UBLCP1: variants seen among roughly 807,000 people sequenced by gnomAD.
UBLCP1 encodes ubiquitin like domain containing CTD phosphatase 1.
In UBLCP1, 28 loss-of-function variants were observed where a neutral mutation model predicts 42.4. The ratio of observed to expected loss-of-function variants is 0.66; its 90% CI spans 0.49 to 0.90. The LOEUF (loss-of-function observed/expected upper bound fraction) is 0.90. UBLCP1 is among the 40% of genes least tolerant of loss of function. UBLCP1 has a pLI of 0.00. For missense variants in UBLCP1, 279 were observed against 374.5 expected (o/e 0.75, Z 2.10); for synonymous variants, 122 against 120.8 (o/e 1.01, Z -0.07).
At chr5:159,270,096 G>T (rs1193805103) in intron 3 of UBLCP1, 97 bp downstream of exon 3, 2 of 1,100,306 alleles carry the variant, frequency 1.8e-6, no homozygotes, top group African/African-American at 3.2e-5. Context: ...AAAATTGTCA[G>T]TCTAGCAATC....
chr5:159,268,797 A>C, intron 1 of UBLCP1, 73 bp from the exon 2 acceptor site: 1 of 1,119,134 alleles, frequency 8.9e-7, no homozygotes, highest in South Asian at 1.5e-5. Context: ...TAAACTGTAC[A>C]CATAAAACTT....
rs1753675014 is a variant in UBLCP1, at chr5:159,285,985, T to C, written c.*1054T>C. The C allele has an allele frequency of 6.5e-6, 1 of 152,774 alleles. No homozygotes were observed. Among genetic ancestry groups the C allele is most frequent in the African/African-American group, 2.4e-5 (1 of 41,462 alleles). 9.5% of individuals were successfully genotyped at this position (152,774 alleles called of 1,614,324 possible). On this transcript the variant is annotated 3_prime_UTR_variant, in exon 11 of 11. Transcript: ENST00000296786. The stretch of plus-strand genomic sequence containing the variant: ...TTTTAAAGAAACATGGTGTATATTG[T>C]TCTTACAGGACTAATTTCAGTGGTG...
intron 1 of UBLCP1, among the ~76,000 whole-genome samples, chr5:159,266,207 C>T (rs1753389078): frequency 6.6e-6 from 1 of 152,182 alleles, no homozygotes; most frequent in South Asian, 2.1e-4. Context: ...ATTCTGATAG[C>T]TATATGAACC....
intron 1 of UBLCP1, among the ~76,000 whole-genome samples, chr5:159,267,415 G>A (rs1257001049): frequency 6.6e-6 from 1 of 152,238 alleles, no homozygotes; most frequent in Non-Finnish European, 1.5e-5. Context: ...TACCTAGGAA[G>A]TAAATAGCTT....
At chr5:159,271,974 T>G in intron 5 of UBLCP1, 49 bp from the exon 6 acceptor site, 1 of 1,332,136 alleles carries the variant, frequency 7.5e-7, no homozygotes, top group South Asian at 1.2e-5. Context: ...TATTAGGTAC[T>G]TGTTCATGAT....
At position 159,285,223 on chromosome 5, in the gene UBLCP1, CACACACACACACACACACACAAA is replaced by C; in HGVS notation, c.*293_*315del. ...ACACACACACACACACACACACACA[CACACACACACACACACACACAAA>C]GTGGAGAAAAATGTATACTCAACAA... is the stretch of plus-strand genomic sequence containing the variant. On this transcript the variant is annotated 3_prime_UTR_variant, in exon 11 of 11. Coordinates refer to ENST00000296786, the MANE Select transcript of UBLCP1 (RefSeq NM_145049.5). The C allele has an allele frequency of 2.3e-5, 6 of 258,382 alleles. No individual in the cohort carries two copies. The highest frequency in any genetic ancestry group is 6.2e-5 in the South Asian group (1 of 16,164). 16.0% of individuals were successfully genotyped at this position (258,382 alleles called of 1,614,324 possible).
At chr5:159,263,803 TTA>T (rs1459487466) in intron 1 of UBLCP1, among the ~76,000 whole-genome samples, 1 of 152,214 alleles carries the variant, frequency 6.6e-6, no homozygotes, top group Non-Finnish European at 1.5e-5. Context: ...TGCTTCACGG[TTA>T]TCTTTTGCTG....
chr5:159,270,440 A>G lies in UBLCP1; in HGVS notation c.327A>G (p.Glu109=), dbSNP rs1349770545. ...FDIEDEVVEV[E]NREENLLKIS... ...TTGAAGATGAAGTAGTTGAAGTAGA[A>G]AATAGGTAAGTGCTTTTCGCTTTAG... The change falls in exon 4 of 11, where the codon GAA becomes GAG. Residue 109 remains glutamate (E), a synonymous_variant. Coordinates refer to ENST00000296786, the MANE Select transcript of UBLCP1 (RefSeq NM_145049.5). 2 of 1,613,032 alleles carry G rather than the reference A, an allele frequency of 1.2e-6. No homozygotes were observed. The highest frequency in any genetic ancestry group is 3.3e-5 in the Admixed American group (2 of 59,950).
chr5:159,271,077 AT>A (rs1452370375), intron 5 of UBLCP1, among the ~76,000 whole-genome samples: 4 of 152,110 alleles, frequency 2.6e-5, no homozygotes, highest in South Asian at 2.1e-4. Context: ...ATTATAAATA[AT>A]TTTTTATAAG....
rs73816535 is a variant in UBLCP1, at chr5:159,284,589, C to G, written c.930-315C>G. On this transcript the variant is annotated intron_variant, in intron 10 of 10. Transcript: ENST00000296786. Reference sequence around the variant, plus strand: ...TGGAGTGGTAGTCAATGAGTATGACCTCTGGAGCCTTGTTTTGAATCTAGG... The same window carrying G: ...TGGAGTGGTAGTCAATGAGTATGACGTCTGGAGCCTTGTTTTGAATCTAGG... 8.9e-3 allele frequency among the ~76,000 whole-genome samples: 1,350 copies of G among 152,184 alleles called. 23 individuals carry two copies. The highest frequency in any genetic ancestry group is 0.031 in the African/African-American group (1,282 of 41,526).
chr5:159,267,153 G>A (rs1018372476), intron 1 of UBLCP1, among the ~76,000 whole-genome samples: 2 of 152,182 alleles, frequency 1.3e-5, no homozygotes, highest in Admixed American at 6.5e-5. Flanking sequence ...ATGCCAGCCC[G>A]TGAAAGCAGC....
chr5:159,270,348 C>T lies in UBLCP1; in HGVS notation c.247-12C>T. The T allele has an allele frequency of 1.9e-6, 3 of 1,602,794 alleles. No individual in the cohort carries two copies. The highest frequency in any genetic ancestry group is 2.6e-6 in the Non-Finnish European group (3 of 1,173,584). ...ATAATATGGTAGAACAAAACTTTTT[C>T]CATCTTAATAGGAAGATGTCTTAGG... On this transcript the variant is annotated splice_polypyrimidine_tract_variant and intron_variant, in intron 3 of 10. Coordinates refer to ENST00000296786, the MANE Select transcript of UBLCP1 (RefSeq NM_145049.5).
At chr5:159,276,734 C>T (rs1015157105) in intron 8 of UBLCP1, among the ~76,000 whole-genome samples, 67 of 152,208 alleles carry the variant, frequency 4.4e-4, no homozygotes, top group African/African-American at 1.5e-3. Context: ...TGTTGTAAGC[C>T]GTTAGAAAAT....
rs1753521664 is a variant in UBLCP1 at position 159,275,391 on chromosome 5, T to C, written c.684+145T>C. 7.5e-6 allele frequency: 4 copies of C among 536,566 alleles called. No homozygotes were observed. The South Asian group carries it at 7.9e-5, about 11-fold the overall frequency. 33.2% of individuals were successfully genotyped at this position (536,566 alleles called of 1,614,324 possible). ...GAGTTTTGACATAGGAAAATGTATT[T>C]AAGGTTAAAAGATTTTTTTTTTTTT... On this transcript the variant is annotated intron_variant, in intron 8 of 10. Coordinates refer to ENST00000296786, the MANE Select transcript of UBLCP1 (RefSeq NM_145049.5).
chr5:159,270,506 C>T, intron 4 of UBLCP1, 22 bp from the exon 5 acceptor site: 1 of 1,605,366 alleles, frequency 6.2e-7, no homozygotes, highest in Non-Finnish European at 8.5e-7. Context: ...AATATTTTAT[C>T]TAATTATATG....
chr5:159,268,827 A>G, intron 1 of UBLCP1, 43 bp from the exon 2 acceptor site: 2 of 1,425,260 alleles, frequency 1.4e-6, no homozygotes, highest in Middle Eastern at 1.8e-4. Flanking sequence ...GCTTCAATAA[A>G]CAGTATCTAT....
chr5:159,272,635 A>G (rs1753484383), intron 6 of UBLCP1, among the ~76,000 whole-genome samples: 1 of 152,194 alleles, frequency 6.6e-6, no homozygotes, highest in Admixed American at 6.5e-5. Flanking sequence ...CAGTTTTAAA[A>G]TACTTGGAAA....
rs34999232 is a variant in UBLCP1 at position 159,273,834 on chromosome 5, TCACACACA to T, written c.548-723_548-716del. Among the ~76,000 whole-genome samples, 733 of 148,670 alleles carry T rather than the reference TCACACACA, an allele frequency of 4.9e-3. 3 individuals carry two copies. The highest frequency in any genetic ancestry group is 0.014 in the African/African-American group (552 of 40,376). The stretch of plus-strand genomic sequence containing the variant: ...CAGGTTCCTCTTTTGCTTTTAAAAA[TCACACACA>T]CACACACACACACACACACACACAC... On this transcript the variant is annotated intron_variant, in intron 6 of 10. Transcript: ENST00000296786.
chr5:159,271,421 C>T (rs889176752), intron 5 of UBLCP1, among the ~76,000 whole-genome samples: 21 of 151,956 alleles, frequency 1.4e-4, no homozygotes, highest in African/African-American at 4.8e-4. Flanking sequence ...AGTGCCACTG[C>T]ACTCCAACCT....
Sources: allele counts gnomAD v4.1 joint callset (sites outside exome capture counted in the v4.1 genomes callset), GRCh38; gene constraint gnomAD v4.1.1; transcripts MANE v1.5; gene names NCBI Gene and HGNC (gene_info 2026-07-23, HGNC 2026-07-21).